ITPR1: variants seen among roughly 807,000 people sequenced by gnomAD.
The protein encoded by ITPR1 is inositol 1,4,5-trisphosphate receptor type 1.
A neutral mutation model predicts 318.4 loss-of-function variants in ITPR1; 96 were observed. The ratio of observed to expected loss-of-function variants is 0.30; its 90% confidence interval spans 0.26 to 0.36. The LOEUF (loss-of-function observed/expected upper bound fraction) is 0.36, where lower values mean the gene tolerates loss of function less well. Among genes scored for constraint, ITPR1 ranks in the 10% least tolerant of loss-of-function variants. ITPR1 has a pLI of 1.00. For missense variants in ITPR1, 2,440 were observed against 3,460.2 expected, an observed-to-expected ratio of 0.71 and a Z score of 7.40; for synonymous variants, 1,312 against 1,289.9, an observed-to-expected ratio of 1.02 and a Z score of -0.37.
At chr3:4,550,465 C>T (rs917200150) in intron 4 of ITPR1, among the ~76,000 whole-genome samples, 1 of 152,194 alleles carries the variant, frequency 6.6e-6, no homozygotes, top group South Asian at 2.1e-4. Flanking sequence ...TAAATGATTG[C>T]AGACTATTGT....
At chr3:4,692,362 G>T (rs12715419) in intron 32 of ITPR1, among the ~76,000 whole-genome samples, 63,460 of 151,904 alleles carry the variant, frequency 0.42, 15,017 homozygotes, top group Non-Finnish European at 0.56. Flanking sequence ...TTTGGAAGCC[G>T]GTCATACTCT....
At chr3:4,576,881 A>G (rs1207201561) in intron 4 of ITPR1, among the ~76,000 whole-genome samples, 3 of 152,216 alleles carry the variant, frequency 2.0e-5, no homozygotes, top group African/African-American at 7.2e-5. Flanking sequence ...ATTTGGCTGA[A>G]GTTCAGAGAT....
intron 2 of ITPR1, among the ~76,000 whole-genome samples, chr3:4,497,223 A>G (rs1380720481): frequency 6.6e-6 from 1 of 152,258 alleles, no homozygotes; most frequent in East Asian, 1.9e-4. Context: ...AATAAGCCAG[A>G]TACACCACTG....
intron 44 of ITPR1, among the ~76,000 whole-genome samples, chr3:4,765,512 G>A (rs2045759760): frequency 6.6e-6 from 1 of 152,134 alleles, no homozygotes; most frequent in Non-Finnish European, 1.5e-5. Flanking sequence ...TTAAGAGTAA[G>A]GTGGCTTCAA....
At chr3:4,602,135 CA>C (rs2091333934) in intron 4 of ITPR1, among the ~76,000 whole-genome samples, 1 of 152,164 alleles carries the variant, frequency 6.6e-6, no homozygotes, top group Non-Finnish European at 1.5e-5. Context: ...GGCAATTCCT[CA>C]AAAGGTTAAA....
intron 32 of ITPR1, among the ~76,000 whole-genome samples, chr3:4,692,735 G>C (rs537551702): frequency 1.4e-5 from 2 of 147,648 alleles, no homozygotes; most frequent in East Asian, 3.9e-4. Flanking sequence ...AGTATGGAGA[G>C]GAAGGCATAT....
chr3:4,680,126 C>A (rs887707930), intron 24 of ITPR1, among the ~76,000 whole-genome samples: 7 of 152,192 alleles, frequency 4.6e-5, no homozygotes, highest in Non-Finnish European at 1.0e-4. Context: ...AGGAACCAAG[C>A]TAATTTTCCA....
In ITPR1 at chr3:4,654,631, G is replaced by A. The variant is rs114842890; in HGVS notation, c.996+745G>A. On this transcript the variant is annotated intron_variant, in intron 12 of 61. Coordinates refer to ENST00000649015, the MANE Select transcript of ITPR1 (RefSeq NM_001378452.1). ...ACAGTTGCTCCTGTGTCTGACATGT[G>A]TGTCTACACGATGATCTCAGCAGTG... Among the ~76,000 whole-genome samples, 994 of 152,296 alleles carry A rather than the reference G, an allele frequency of 6.5e-3. 6 individuals are homozygous for A. Among genetic ancestry groups the A allele is most frequent in the African/African-American group, 0.022 (934 of 41,548 alleles).
intron 38 of ITPR1, 145 bp from the exon 39 acceptor site, chr3:4,711,612 A>G (rs865938735): frequency 3.2e-6 from 2 of 616,058 alleles, no homozygotes. Context: ...TTCTCAGTGC[A>G]GGGAATGCCC....
In ITPR1 at chr3:4,710,266, C is replaced by CACCCTCCTG; in HGVS notation, c.4843-58_4843-50dup. 7.0e-7 allele frequency: 1 copy of CACCCTCCTG among 1,437,362 alleles called. No individual in the cohort carries two copies. The highest frequency in any genetic ancestry group is 9.2e-7 in the Non-Finnish European group (1 of 1,083,882). 89.0% of individuals were successfully genotyped at this position (1,437,362 alleles called of 1,614,324 possible). ...GTTTTAGGGCAGAAATCAATGTCCT[C>CACCCTCCTG]ACCCTCCTGTGGTCAGCGTCTGCCT... On this transcript the variant is annotated intron_variant, in intron 37 of 61. Coordinates refer to ENST00000649015, the MANE Select transcript of ITPR1 (RefSeq NM_001378452.1). This position sits in a 1 kb window ranked among gnomAD's most constrained non-coding sequence, Gnocchi z 4.2.
chr3:4,521,205 A>G, intron 4 of ITPR1, 111 bp downstream of exon 4: 1 of 692,216 alleles, frequency 1.4e-6, no homozygotes, highest in Non-Finnish European at 2.5e-6. Flanking sequence ...TTTATTATGT[A>G]TTTTTTTCAG....
At chr3:4,556,529 C>A (rs1303500421) in intron 4 of ITPR1, among the ~76,000 whole-genome samples, 1 of 147,814 alleles carries the variant, frequency 6.8e-6, no homozygotes, top group African/African-American at 2.5e-5. Context: ...CCTAGTTTTG[C>A]TTTTTCCAGA....
At chr3:4,775,899 T>C (rs1000867103) in intron 47 of ITPR1, among the ~76,000 whole-genome samples, 5 of 152,208 alleles carry the variant, frequency 3.3e-5, no homozygotes, top group African/African-American at 9.7e-5. Flanking sequence ...ATAGTTGAGA[T>C]TTAAACATCA....
intron 59 of ITPR1, 60 bp from the exon 60 acceptor site, chr3:4,818,022 A>T (rs2049423041): frequency 5.6e-6 from 8 of 1,436,800 alleles, no homozygotes; most frequent in Admixed American, 2.3e-5. Context: ...TCTGTTATTG[A>T]TTTTTTTTCT....
At chr3:4,766,838 G>A (rs2045848757) in intron 45 of ITPR1, 128 bp downstream of exon 45, 1 of 688,062 alleles carries the variant, frequency 1.5e-6, no homozygotes, top group Non-Finnish European at 2.3e-6. Flanking sequence ...AGAAATGCCA[G>A]CCTGGTTATG....
chr3:4,557,386 C>T (rs1005871141), intron 4 of ITPR1, among the ~76,000 whole-genome samples: 1 of 152,152 alleles, frequency 6.6e-6, no homozygotes, highest in African/African-American at 2.4e-5. Flanking sequence ...AATTACCTCC[C>T]GCCAGGTCCC....
intron 40 of ITPR1, among the ~76,000 whole-genome samples, chr3:4,725,066 A>G (rs2042409487): frequency 6.6e-6 from 1 of 152,108 alleles, no homozygotes; most frequent in African/African-American, 2.4e-5. Flanking sequence ...ATGGAGAGAC[A>G]TGGGAGAAAG....
At chr3:4,835,825 G>T (rs868621596) in intron 60 of ITPR1, among the ~76,000 whole-genome samples, 3 of 152,174 alleles carry the variant, frequency 2.0e-5, no homozygotes, top group African/African-American at 7.2e-5. Context: ...GTCCCATTCT[G>T]TTAACCAGTA....
chr3:4,501,378 C>G (rs999921129), intron 2 of ITPR1, among the ~76,000 whole-genome samples: 2 of 152,188 alleles, frequency 1.3e-5, no homozygotes, highest in African/African-American at 4.8e-5. Flanking sequence ...GTGTGGTCCC[C>G]AGACCAGCGT....
Sources: allele counts gnomAD v4.1 joint callset (sites outside exome capture counted in the v4.1 genomes callset), GRCh38; gene constraint gnomAD v4.1.1; non-coding constraint Gnocchi (gnomAD v3.1); transcripts MANE v1.5; gene names NCBI Gene and HGNC (gene_info 2026-07-23, HGNC 2026-07-21).